The following DNAH5 variants were observed in gnomAD, a reference collection of about 807,000 sequenced individuals.
DNAH5 encodes the protein dynein axonemal heavy chain 5.
Under a neutral mutation model 518.2 loss-of-function variants are expected in DNAH5, and 372 were observed. The ratio of observed to expected loss-of-function variants is 0.72; its 90% CI spans 0.66 to 0.78. DNAH5 has a LOEUF of 0.78. Ranked by LOEUF, DNAH5 falls within the 30% of genes least tolerant of loss-of-function variation. DNAH5 has a pLI of 0.00. For missense variants in DNAH5, 5,523 were observed against 5,687.0 expected, an observed-to-expected ratio of 0.97 and a Z score of 0.93; for synonymous variants, 2,039 against 2,025.9, an observed-to-expected ratio of 1.01 and a Z score of -0.17.
chr5:13,867,667 T>G (rs1389384987), intron 25 of DNAH5, 107 bp downstream of exon 25: 52 of 913,148 alleles, frequency 5.7e-5, no homozygotes, highest in Non-Finnish European at 8.4e-5. Context: ...CCCTGGGAAT[T>G]CCTAGGAAGT....
Position 13,692,257 on chromosome 5 carries a change from AG to A in DNAH5, c.13724-123del, listed in dbSNP as rs139943055. On this transcript the variant is annotated intron_variant, in intron 78 of 78. Transcript: ENST00000265104. ...AAAAACAGATGGGTTTGGCTGAATGAGGGACATTCTTTCTGAGGTCAGGCAA... is the reference window on the plus strand; with the variant it reads ...AAAAACAGATGGGTTTGGCTGAATGAGGACATTCTTTCTGAGGTCAGGCAA... The A allele has an allele frequency of 5.6e-4, 614 of 1,087,802 alleles. 1 individual carries two copies. The African/African-American group carries it at 8.9e-3, about 16-fold the overall frequency. The allele number at this position is 1,087,802 out of a possible 1,614,324, so 67.4% of individuals were successfully genotyped here.
At chr5:13,824,108 C>A (rs1762584781) in intron 39 of DNAH5, 91 bp downstream of exon 39, 1 of 1,287,056 alleles carries the variant, frequency 7.8e-7, no homozygotes, top group Non-Finnish European at 1.1e-6. Context: ...TTTAAATGAG[C>A]ATTTTAAATA....
chr5:13,883,227 C>T, intron 19 of DNAH5, 133 bp from the exon 20 acceptor site: 1 of 1,003,088 alleles, frequency 1.0e-6, no homozygotes, highest in South Asian at 1.4e-5. Context: ...ATGAATGAGT[C>T]AATTAAAACT....
intron 68 of DNAH5, among the ~76,000 whole-genome samples, chr5:13,730,151 C>G (rs572116373): frequency 5.4e-4 from 82 of 152,312 alleles, no homozygotes; most frequent in African/African-American, 1.9e-3. Flanking sequence ...ATACCCTAAG[C>G]TAACCACAAC....
rs1486190432 is a variant in DNAH5 at position 13,810,081 on chromosome 5, G to A, written c.7587C>T (p.Phe2529=). The A allele has an allele frequency of 1.3e-6, 2 of 1,552,776 alleles. No individual in the cohort carries two copies. Among genetic ancestry groups the A allele is most frequent in the Non-Finnish European group, 1.7e-6 (2 of 1,148,526 alleles). ...PPPAGPGDTA[F]DYYVAPDGTW... ...CACCATCGGGCGCCACATAGTAGTC[G>A]AAGGCGGTGTCCCCGGGCCCCGCTG... Residue 2529 remains phenylalanine (F), a synonymous_variant, in exon 45 of 79, where the codon TTC becomes TTT. Transcript: ENST00000265104.
At chr5:13,996,714 TG>T (rs1461302434) in intron 1 of DNAH5, among the ~76,000 whole-genome samples, 1 of 152,260 alleles carries the variant, frequency 6.6e-6, no homozygotes, top group Non-Finnish European at 1.5e-5. Flanking sequence ...CTGGACAGCC[TG>T]GCCCCATGGC....
intron 76 of DNAH5, among the ~76,000 whole-genome samples, chr5:13,705,453 T>A (rs1365959336): frequency 6.6e-6 from 1 of 152,184 alleles, no homozygotes. Flanking sequence ...ACACCATAAA[T>A]ATATATAATT....
In DNAH5 at chr5:13,793,588, G is replaced by T. The variant is rs758202463; in HGVS notation, c.8151C>A (p.Pro2717=). 23 of 1,614,084 alleles carry T rather than the reference G, an allele frequency of 1.4e-5. 2 individuals are homozygous for T. The South Asian group carries it at 2.4e-4, about 17-fold the overall frequency. Residue 2717 remains proline (P), a synonymous_variant, in exon 49 of 79, where the codon CCC becomes CCA. Coordinates refer to ENST00000265104, the MANE Select transcript of DNAH5 (RefSeq NM_001369.3). ...TAGAGAACTGCCTCTTGAGTCTTTG[G>T]GGTATGTCATTGCGTCCACCACCAG... ...IHPGGGRNDI[P]QRLKRQFSIF... is the part of the protein sequence containing the mutation.
chr5:13,736,489 G>A (rs887600297), intron 66 of DNAH5, among the ~76,000 whole-genome samples: 4 of 152,062 alleles, frequency 2.6e-5, no homozygotes, highest in Non-Finnish European at 5.9e-5. Flanking sequence ...CCGCCTCCTG[G>A]GTTTAAGAGA....
At chr5:13,819,337 T>C (rs1014733488) in intron 41 of DNAH5, among the ~76,000 whole-genome samples, 1 of 152,214 alleles carries the variant, frequency 6.6e-6, no homozygotes, top group East Asian at 1.9e-4. Flanking sequence ...TATCTCAGTC[T>C]GAGGACTGCC....
rs368353964 is a variant in DNAH5 at position 13,814,860 on chromosome 5, C to A, written c.6989-14G>T. The A allele has an allele frequency of 3.6e-5, 58 of 1,610,264 alleles. No individual in the cohort carries two copies. Among genetic ancestry groups the A allele is most frequent in the South Asian group, 2.2e-5 (2 of 90,708 alleles). ...AGATATGTTCCCCTAGAATACCCCA[C>A]CAAAGGGAAAAAAAAAATACATACA... On this transcript the variant is annotated splice_polypyrimidine_tract_variant and intron_variant, in intron 42 of 78. Coordinates refer to ENST00000265104, the MANE Select transcript of DNAH5 (RefSeq NM_001369.3).
intron 65 of DNAH5, among the ~76,000 whole-genome samples, chr5:13,741,945 T>C (rs145793975): frequency 2.0e-5 from 3 of 152,280 alleles, no homozygotes; most frequent in Non-Finnish European, 4.4e-5. Flanking sequence ...TCACCAGTAA[T>C]GCAGCTAAAG....
In DNAH5 at chr5:13,780,005, C is replaced by T. The variant is rs554168368; in HGVS notation, c.8951+824G>A. On this transcript the variant is annotated intron_variant, in intron 53 of 78. Transcript: ENST00000265104. ...CCTATTGCTCTGGGATGAAGTCTGA[C>T]TTTTTATCATCACTTTAAAGGCCTC... Among the ~76,000 whole-genome samples, 12 of 152,292 alleles carry T rather than the reference C, an allele frequency of 7.9e-5. No individual in the cohort carries two copies. In the South Asian group the frequency reaches 2.1e-3, roughly 26 times the overall value.
chr5:13,864,258 G>T (rs561098062), intron 28 of DNAH5, 139 bp downstream of exon 28: 4 of 1,121,988 alleles, frequency 3.6e-6, no homozygotes, highest in East Asian at 4.8e-5. Flanking sequence ...AGCATTTGTT[G>T]AAGGAACTAG....
chr5:13,810,360 G>C (rs1300436003), intron 44 of DNAH5, 100 bp from the exon 45 acceptor site: 2 of 1,016,198 alleles, frequency 2.0e-6, no homozygotes, highest in African/African-American at 3.2e-5. Context: ...CAAGACACTA[G>C]TTGCCCTCCA....
intron 1 of DNAH5, among the ~76,000 whole-genome samples, chr5:14,011,369 G>C (rs1204307137): frequency 1.3e-5 from 2 of 152,208 alleles, no homozygotes; most frequent in South Asian, 2.1e-4. Flanking sequence ...CCTGAACTTA[G>C]TGCGTTTTGC....
intron 24 of DNAH5, among the ~76,000 whole-genome samples, chr5:13,868,720 G>A (rs901066495): frequency 1.2e-4 from 18 of 152,150 alleles, no homozygotes; most frequent in African/African-American, 3.9e-4. Context: ...CTCCCTCTCC[G>A]TGGAGGCATG....
At position 13,806,832 on chromosome 5, in the gene DNAH5, G is replaced by T. The variant is rs114911283; in HGVS notation, c.7887+759C>A. Among the ~76,000 whole-genome samples, 626 of 151,992 alleles carry T rather than the reference G, an allele frequency of 4.1e-3. 3 individuals carry two copies. Among genetic ancestry groups the T allele is most frequent in the African/African-American group, 0.014 (598 of 41,448 alleles). ...AAAATAAACAACGCAAACTTGAGGG[G>T]TTTTTTTTCTCTCACACTTCTGTGA... On this transcript the variant is annotated intron_variant, in intron 47 of 78. Coordinates refer to ENST00000265104, the MANE Select transcript of DNAH5 (RefSeq NM_001369.3).
intron 54 of DNAH5, among the ~76,000 whole-genome samples, chr5:13,776,992 T>C (rs1226528020): frequency 1.3e-5 from 2 of 152,194 alleles, no homozygotes; most frequent in Non-Finnish European, 2.9e-5. Flanking sequence ...TATTGGAACA[T>C]TCACTGATGT....
Sources: allele counts gnomAD v4.1 joint callset (sites outside exome capture counted in the v4.1 genomes callset), GRCh38; gene constraint gnomAD v4.1.1; transcripts MANE v1.5; gene names NCBI Gene and HGNC (gene_info 2026-07-23, HGNC 2026-07-21).